Variants in DNAH10 observed in about 807,000 individuals in gnomAD.
DNAH10 encodes the protein axonemal beta dynein heavy chain 10.
A neutral mutation model predicts 506.6 loss-of-function variants in DNAH10; 348 were observed. The observed-to-expected ratio is 0.69, with a 90% confidence interval of 0.63 to 0.75. The LOEUF (loss-of-function observed/expected upper bound fraction) is 0.75, where lower values mean the gene tolerates loss of function less well. Among genes scored for constraint, DNAH10 ranks in the 30% least tolerant of loss-of-function variants. DNAH10 has a pLI of 0.00. For synonymous variants in DNAH10, 2,059 were observed against 2,198.6 expected (o/e 0.94, Z 1.78); for missense variants, 5,179 against 5,787.1 (o/e 0.89, Z 3.41).
chr12:123,763,658 G>A (rs959928832), intron 1 of DNAH10, among the ~76,000 whole-genome samples: 3 of 150,512 alleles, frequency 2.0e-5, no homozygotes, highest in African/African-American at 2.5e-5. Context: ...CTGCCTCCAG[G>A]GCTCAAGTGA....
At position 123,903,653 on chromosome 12, in the gene DNAH10, G is replaced by A. The variant is rs1276778740; in HGVS notation, c.9815+540G>A. Reference sequence around the variant, plus strand: ...GTCCCCCACACCAGAGGGCTCATCTGCTGTCAGCGAGGGTAACGTGGTGTG... The same window carrying A: ...GTCCCCCACACCAGAGGGCTCATCTACTGTCAGCGAGGGTAACGTGGTGTG... On this transcript the variant is annotated intron_variant, in intron 57 of 78. Coordinates refer to ENST00000673944, the MANE Select transcript of DNAH10 (RefSeq NM_001372106.1). This position sits in a 1 kb window ranked among gnomAD's most constrained non-coding sequence, Gnocchi z 4.6. 6.6e-6 allele frequency among the ~76,000 whole-genome samples: 1 copy of A among 152,222 alleles called. No individual in the cohort carries two copies. Among genetic ancestry groups the A allele is most frequent in the African/African-American group, 2.4e-5 (1 of 41,466 alleles).
chr12:123,881,569 A>G (rs1255988409), intron 50 of DNAH10, 56 bp from the exon 51 acceptor site: 1 of 1,461,214 alleles, frequency 6.8e-7, no homozygotes, highest in Non-Finnish European at 9.1e-7. Context: ...TCAGATGGGT[A>G]GATTGTAAAA....
chr12:123,814,667 T>C (rs1008603271), intron 21 of DNAH10, among the ~76,000 whole-genome samples: 2 of 146,752 alleles, frequency 1.4e-5, no homozygotes, highest in African/African-American at 2.6e-5. Flanking sequence ...CAGGCTGGAG[T>C]GCAGTGGCAT....
At position 123,767,690 on chromosome 12, in the gene DNAH10, G is replaced by C. The variant is rs772892930; in HGVS notation, c.298+1G>C. 9 of 1,610,072 alleles carry C rather than the reference G, an allele frequency of 5.6e-6. No homozygotes were observed. In the Middle Eastern group the frequency reaches 5.0e-4, roughly 89 times the overall value. ...GTGGAGTCCGTGGATAAAGTGCGAG[G>C]TGTGGAGTTGGGAGGGGTCATGGGA... On this transcript the variant is annotated splice_donor_variant, in intron 2 of 78. Transcript: ENST00000673944. LOFTEE classifies it high-confidence loss of function.
At position 123,875,333 on chromosome 12, in the gene DNAH10, C is replaced by T. The variant is rs1021332828; in HGVS notation, c.8041C>T (p.Arg2681Ter). ...GAAGGAGCTGAACTGTAAAAGCATT[C>T]GAGACCTTGGCTTTATTGCTGCAAT... ...RGKELNCKSI[R>*]DLGFIAAMGK... is the part of the protein sequence containing the mutation. The change falls in exon 47 of 79, where the codon CGA (arginine) becomes TGA (stop). Residue 2681 changes from arginine (R) to a stop codon, truncating the protein, a stop_gained. Coordinates refer to ENST00000673944, the MANE Select transcript of DNAH10 (RefSeq NM_001372106.1). LOFTEE classifies it high-confidence loss of function. 5.0e-6 allele frequency: 8 copies of T among 1,613,884 alleles called. No homozygotes were observed. Among genetic ancestry groups the T allele is most frequent in the Middle Eastern group, 1.6e-4 (1 of 6,062 alleles).
intron 41 of DNAH10, among the ~76,000 whole-genome samples, chr12:123,867,190 T>C (rs1951844827): frequency 6.6e-6 from 1 of 152,200 alleles, no homozygotes; most frequent in Non-Finnish European, 1.5e-5. Flanking sequence ...GCCTCTTTCC[T>C]GTCAAATGGG....
Position 123,796,648 on chromosome 12 carries a change from CT to C in DNAH10, c.1987-4del. On this transcript the variant is annotated splice_region_variant and splice_polypyrimidine_tract_variant and intron_variant, in intron 12 of 78. Coordinates refer to ENST00000673944, the MANE Select transcript of DNAH10 (RefSeq NM_001372106.1). ...ATCACTTACAGAAGCTGTTTGATTG[CT>C]TTTCAGATTGACATCATTAATAAAA... The C allele has an allele frequency of 6.3e-7, 1 of 1,590,734 alleles. No individual in the cohort carries two copies. The highest frequency in any genetic ancestry group is 8.6e-7 in the Non-Finnish European group (1 of 1,168,164).
chr12:123,847,963 G>T lies in DNAH10; in HGVS notation c.5817G>T (p.Ala1939=). The part of the protein sequence containing the change: ...TDRIYLTLTQ[A]LSMYLGGAPA... The stretch of plus-strand genomic sequence containing the variant: ...GTTTTGCATTTGGCTTATAACAGGC[G>T]CTGTCCATGTATCTAGGTGGGGCCC... The change falls in exon 33 of 79, where the codon GCG becomes GCT. Residue 1939 remains alanine (A), a splice_region_variant and synonymous_variant. Transcript: ENST00000673944. The T allele has an allele frequency of 6.2e-7, 1 of 1,608,852 alleles. No homozygotes were observed. The highest frequency in any genetic ancestry group is 8.5e-7 in the Non-Finnish European group (1 of 1,177,962).
chr12:123,928,730 C>A lies in DNAH10; in HGVS notation c.12306+143C>A. 1 of 925,030 alleles carries A rather than the reference C, an allele frequency of 1.1e-6. No homozygotes were observed. The highest frequency in any genetic ancestry group is 1.6e-6 in the Non-Finnish European group (1 of 630,816). 57.3% of individuals were successfully genotyped at this position (925,030 alleles called of 1,614,324 possible). A position where few individuals can be genotyped will look rare whatever the true frequency, so the allele number is the denominator to read the frequency against. ...GAAACCTTGCGGTTGAAACCCTTCT[C>A]AATCCCACCTCTCTCTTTAGAGGGA... On this transcript the variant is annotated intron_variant, in intron 70 of 78. Transcript: ENST00000673944. The surrounding 1 kb of genome is among the most constrained non-coding windows in gnomAD (Gnocchi z 4.9).
intron 16 of DNAH10, 118 bp downstream of exon 16, chr12:123,801,550 G>A: frequency 3.8e-6 from 5 of 1,307,594 alleles, no homozygotes; most frequent in Non-Finnish European, 5.2e-6. Flanking sequence ...CAATTTTTGA[G>A]GGTTAAGAAA....
intron 1 of DNAH10, among the ~76,000 whole-genome samples, chr12:123,764,472 G>T (rs1208880041): frequency 1.3e-5 from 2 of 151,936 alleles, no homozygotes; most frequent in Non-Finnish European, 2.9e-5. Context: ...ACCACTGCAG[G>T]AACTCGGGTT....
chr12:123,893,324 C>G lies in DNAH10; in HGVS notation c.9087C>G (p.Ala3029=). 1.2e-6 allele frequency: 2 copies of G among 1,614,010 alleles called. No homozygotes were observed. Among genetic ancestry groups the G allele is most frequent in the Non-Finnish European group, 1.7e-6 (2 of 1,179,886 alleles). ...CTCTGAAGCAAGGCATGGGGCCGGCCAAGGAGTCTGTGTGGCAGTACTTCG... is the reference window on the plus strand; with the variant it reads ...CTCTGAAGCAAGGCATGGGGCCGGCGAAGGAGTCTGTGTGGCAGTACTTCG... ...QEALKQGMGP[A]KESVWQYFVN... The change falls in exon 53 of 79, where the codon GCC becomes GCG. Residue 3029 remains alanine, a synonymous_variant. Transcript: ENST00000673944.
chr12:123,932,536 A>G (rs1955266461), intron 76 of DNAH10: 1 of 166,386 alleles, frequency 6.0e-6, no homozygotes, highest in Non-Finnish European at 1.3e-5. Flanking sequence ...GTATATGAAT[A>G]TGCATAGGGG....
At chr12:123,927,004 A>T in intron 69 of DNAH10, 184 bp downstream of exon 69, 3 of 669,730 alleles carry the variant, frequency 4.5e-6, no homozygotes, top group Non-Finnish European at 5.0e-6. Flanking sequence ...TCACAACCTC[A>T]TGTTGTGATC....
rs1475074316 is a variant in DNAH10, at chr12:123,799,387, C to T, written c.2289+16C>T. 3.1e-6 allele frequency: 5 copies of T among 1,605,464 alleles called. No homozygotes were observed. Among genetic ancestry groups the T allele is most frequent in the Non-Finnish European group, 4.3e-6 (5 of 1,174,836 alleles). ...TTTGACCAAGGTGCGCTGCCCACGCCCTCATTCCCGATTGCCGCGTGAGAC... is the reference window on the plus strand; with the variant it reads ...TTTGACCAAGGTGCGCTGCCCACGCTCTCATTCCCGATTGCCGCGTGAGAC... On this transcript the variant is annotated intron_variant, in intron 14 of 78. Transcript: ENST00000673944.
intron 7 of DNAH10, 83 bp from the exon 8 acceptor site, chr12:123,783,864 A>G: frequency 7.7e-7 from 1 of 1,300,052 alleles, no homozygotes; most frequent in Non-Finnish European, 1.1e-6. Context: ...TTGGACAGAA[A>G]GAACGGATGC....
At chr12:123,900,971 G>T (rs137990159) in intron 56 of DNAH10, among the ~76,000 whole-genome samples, 1 of 152,166 alleles carries the variant, frequency 6.6e-6, no homozygotes, top group Non-Finnish European at 1.5e-5. Context: ...TGCCCATGCC[G>T]AAACCAATCC....
intron 67 of DNAH10, 105 bp downstream of exon 67, chr12:123,924,537 C>A: frequency 7.1e-7 from 1 of 1,411,946 alleles, no homozygotes; most frequent in Non-Finnish European, 9.5e-7. Context: ...CTTTGAGTAA[C>A]CCATTCAGTG....
chr12:123,921,405 C>T (rs540580713), intron 65 of DNAH10, among the ~76,000 whole-genome samples: 8 of 152,340 alleles, frequency 5.3e-5, no homozygotes, highest in African/African-American at 1.7e-4. Context: ...TCCAGAGACC[C>T]TGCTTTATCT....
Sources: allele counts gnomAD v4.1 joint callset (sites outside exome capture counted in the v4.1 genomes callset), GRCh38; gene constraint gnomAD v4.1.1; non-coding constraint Gnocchi (gnomAD v3.1); transcripts MANE v1.5; gene names NCBI Gene and HGNC (gene_info 2026-07-23, HGNC 2026-07-21).